LRRC37A2: variants seen among roughly 807,000 people sequenced by gnomAD.
LRRC37A2 encodes the protein leucine-rich repeat-containing protein 37A2.
LRRC37A2 carries 9 observed loss-of-function variants against 68.8 expected under a neutral mutation model. The observed-to-expected ratio is 0.13, with a 90% CI of 0.08 to 0.23. The LOEUF (loss-of-function observed/expected upper bound fraction) is 0.23, where lower values mean the gene tolerates loss of function less well. Among genes scored for constraint, LRRC37A2 ranks in the 10% least tolerant of loss-of-function variants. LRRC37A2 has a pLI of 1.00. For synonymous variants in LRRC37A2, 63 were observed against 367.6 expected, an observed-to-expected ratio of 0.17 and a Z score of 9.48; for missense variants, 168 against 950.4, an observed-to-expected ratio of 0.18 and a Z score of 10.82.
chr17:46,608,033 A>G, the LRRC37A2 span, among the ~76,000 whole-genome samples: 4 of 126,490 alleles, frequency 3.2e-5, no homozygotes, highest in African/African-American at 1.3e-4. Flanking sequence ...TTTGACAGCC[A>G]GGCACGGTGG....
the LRRC37A2 span, among the ~76,000 whole-genome samples, chr17:46,732,144 A>G: frequency 1.3e-5 from 2 of 152,232 alleles, no homozygotes; most frequent in African/African-American, 4.8e-5. Context: ...AAAAGTTGTG[A>G]GCATTTTTCT....
chr17:46,823,108 CAT>C, the LRRC37A2 span, among the ~76,000 whole-genome samples: 8 of 105,950 alleles, frequency 7.6e-5, no homozygotes, highest in East Asian at 1.1e-3. Flanking sequence ...ATAATAAACA[CAT>C]ATATTATATA....
chr17:46,688,868 C>A, the LRRC37A2 span, among the ~76,000 whole-genome samples: 1 of 90,348 alleles, frequency 1.1e-5, no homozygotes, highest in African/African-American at 6.1e-5. Context: ...GTACCATACA[C>A]AAAAATAAAA....
chr17:46,884,342 C>T, the LRRC37A2 span, among the ~76,000 whole-genome samples: 68 of 152,334 alleles, frequency 4.5e-4, 1 homozygote, highest in South Asian at 1.9e-3. Context: ...GATGTCAGAG[C>T]TGCGCAGGTG....
At chr17:46,936,885 A>G in the LRRC37A2 span, 4,646 of 958,052 alleles carry the variant, frequency 4.8e-3, 143 homozygotes, top group African/African-American at 0.065. Context: ...CAGAATGTAG[A>G]TTTTGGATTC....
chr17:46,966,533 G>A, the LRRC37A2 span: 2 of 690,562 alleles, frequency 2.9e-6, no homozygotes, highest in East Asian at 5.5e-5. Flanking sequence ...ATTTTTTGCA[G>A]AGACAAGGTC....
chr17:46,930,357 T>G, the LRRC37A2 span: 2 of 152,434 alleles, frequency 1.3e-5, no homozygotes, highest in Non-Finnish European at 2.9e-5. Context: ...CAGTTTAGCT[T>G]CTTTGTTCAT....
At chr17:46,987,679 A>G in the LRRC37A2 span, among the ~76,000 whole-genome samples, 1 of 152,142 alleles carries the variant, frequency 6.6e-6, no homozygotes, top group South Asian at 2.1e-4. Flanking sequence ...ACACACATGC[A>G]TGTTTATAGC....
At chr17:47,039,124 A>C in the LRRC37A2 span, among the ~76,000 whole-genome samples, 141 of 151,490 alleles carry the variant, frequency 9.3e-4, 1 homozygote, top group Middle Eastern at 3.4e-3. Context: ...GGTAGTTTTG[A>C]CAGGTATAGA....
At chr17:47,043,264 T>G in the LRRC37A2 span, among the ~76,000 whole-genome samples, 1 of 152,146 alleles carries the variant, frequency 6.6e-6, no homozygotes, top group Non-Finnish European at 1.5e-5. Flanking sequence ...TTCATTTTAT[T>G]GACATATAAA....
chr17:47,019,679 C>T, the LRRC37A2 span: 51 of 1,387,162 alleles, frequency 3.7e-5, 1 homozygote, highest in South Asian at 4.7e-4. Flanking sequence ...CAAGCACCAA[C>T]ATATGTGAGC....
At chr17:46,880,825 G>T in the LRRC37A2 span, among the ~76,000 whole-genome samples, 1 of 152,124 alleles carries the variant, frequency 6.6e-6, no homozygotes, top group African/African-American at 2.4e-5. Flanking sequence ...ATCCATCCTG[G>T]ATTACACACC....
chr17:46,749,159 T>C, the LRRC37A2 span, among the ~76,000 whole-genome samples: 1 of 152,146 alleles, frequency 6.6e-6, no homozygotes, highest in Non-Finnish European at 1.5e-5. Context: ...GCCAAGAGAA[T>C]TGAAAATGGT....
the LRRC37A2 span, among the ~76,000 whole-genome samples, chr17:46,787,957 GAAA>G: frequency 2.0e-5 from 2 of 98,456 alleles, no homozygotes; most frequent in Non-Finnish European, 4.4e-5. Flanking sequence ...CTCTGCCTCA[GAAA>G]AAAAAAAAAA....
At chr17:46,719,543 A>G in the LRRC37A2 span, among the ~76,000 whole-genome samples, 1 of 152,186 alleles carries the variant, frequency 6.6e-6, no homozygotes, top group African/African-American at 2.4e-5. The surrounding 1 kb of genome is among the most constrained non-coding windows in gnomAD (Gnocchi z 4.3). Context: ...TGAAGTATGT[A>G]TGAGGTATTG....
the LRRC37A2 span, among the ~76,000 whole-genome samples, chr17:46,866,384 ATGTG>A: frequency 6.6e-6 from 1 of 151,576 alleles, no homozygotes; most frequent in Non-Finnish European, 1.5e-5. Flanking sequence ...GTGCGTGAGA[ATGTG>A]TGTATGTGTG....
the LRRC37A2 span, chr17:46,940,851 C>G: frequency 1.4e-6 from 2 of 1,442,260 alleles, no homozygotes; most frequent in South Asian, 1.4e-5. Context: ...GTCTGGACAC[C>G]CAGGGGCATT....
the LRRC37A2 span, among the ~76,000 whole-genome samples, chr17:46,862,287 G>C: frequency 6.6e-6 from 1 of 152,246 alleles, no homozygotes; most frequent in Middle Eastern, 3.4e-3. Context: ...GAAAGGTAAC[G>C]TATCGTATAT....
the LRRC37A2 span, among the ~76,000 whole-genome samples, chr17:47,020,030 TA>T: frequency 6.7e-6 from 1 of 149,514 alleles, no homozygotes; most frequent in Non-Finnish European, 1.5e-5. Context: ...TATCCATTTT[TA>T]TTTAGCCCCA....
Sources: gnomAD v4.1 joint callset for allele counts (sites outside exome capture counted in the v4.1 genomes callset) on GRCh38, gnomAD v4.1.1 for gene constraint, Gnocchi (gnomAD v3.1) non-coding constraint, MANE v1.5 for transcripts, NCBI Gene and HGNC (gene_info 2026-07-23, HGNC 2026-07-21) for gene names.